The following IL1RAPL2 variants were observed in gnomAD, a reference collection of about 807,000 sequenced individuals.
IL1RAPL2 encodes interleukin 1 receptor accessory protein like 2.
A neutral mutation model predicts 44.1 loss-of-function variants in IL1RAPL2; 3 were observed. The ratio of observed to expected loss-of-function variants is 0.07; its 90% confidence interval spans 0.03 to 0.18. IL1RAPL2 has a LOEUF of 0.18. Ranked by LOEUF, IL1RAPL2 falls within the 10% of genes least tolerant of loss-of-function variation. The pLI, the probability that IL1RAPL2 is intolerant of heterozygous loss-of-function variation, is 1.00. For synonymous variants in IL1RAPL2, 181 were observed against 178.8 expected (o/e 1.01, Z -0.10); for missense variants, 391 against 496.4 (o/e 0.79, Z 2.02).
At chrX:105,035,038 A>G (rs1344216173) in intron 2 of IL1RAPL2, among the ~76,000 whole-genome samples, 2 of 111,340 alleles carry the variant, frequency 1.8e-5, no homozygotes, top group African/African-American at 6.5e-5. Context: ...GGACCCTCCA[A>G]GCCAGGTGCA....
chrX:105,119,733 T>G (rs2032902010), intron 2 of IL1RAPL2, among the ~76,000 whole-genome samples: 1 of 111,516 alleles, frequency 9.0e-6, no homozygotes, highest in Admixed American at 9.5e-5. Context: ...GGAAAAAGTG[T>G]TAACAAAAAA....
chrX:105,459,226 A>C (rs2036076682), intron 5 of IL1RAPL2, among the ~76,000 whole-genome samples: 1 of 110,812 alleles, frequency 9.0e-6, no homozygotes, highest in Admixed American at 9.7e-5. Context: ...ACTTTAGTTC[A>C]ACATAGAATA....
chrX:105,505,702 C>T (rs765268386), intron 6 of IL1RAPL2, among the ~76,000 whole-genome samples: 1 of 111,521 alleles, frequency 9.0e-6, no homozygotes, highest in Non-Finnish European at 1.9e-5. Flanking sequence ...TCATGCCAAA[C>T]ATCACAGGAG....
chrX:105,390,918 GA>G (rs2035517026), intron 5 of IL1RAPL2, among the ~76,000 whole-genome samples: 1 of 111,129 alleles, frequency 9.0e-6, no homozygotes, highest in Non-Finnish European at 1.9e-5. Flanking sequence ...AAATTAATAA[GA>G]AAATGGATGT....
chrX:104,568,880 T>C (rs1042920046), intron 1 of IL1RAPL2, among the ~76,000 whole-genome samples: 3 of 111,821 alleles, frequency 2.7e-5, no homozygotes, highest in African/African-American at 9.7e-5. Context: ...GTGAGGCTGC[T>C]GGACCCGATG....
chrX:105,767,317 G>A lies in IL1RAPL2; in HGVS notation c.1717G>A (p.Ala573Thr), dbSNP rs765978518. Residue 573 changes from alanine to threonine, a missense_variant, in exon 11 of 11, where the codon GCA (alanine) becomes ACA (threonine). By Grantham distance (58) the Ala-to-Thr change is moderately conservative (BLOSUM62 0). This residue lies in a region of IL1RAPL2 where 232 missense variants were observed against 244.8 expected (regional missense o/e 0.95). Coordinates refer to ENST00000372582, the MANE Select transcript of IL1RAPL2 (RefSeq NM_017416.2). ...ACCTCGGTGCCATGTTCTGGACTCC[G>A]CAGAACAAGGACTTTTTGGAGAACT... ...MLPRCHVLDS[A>T]EQGLFGELQP... The A allele has an allele frequency of 2.8e-5, 34 of 1,208,180 alleles. 1 individual carries two copies. In the South Asian group the frequency reaches 3.2e-4, roughly 11 times the overall value.
chrX:105,233,201 T>G (rs1421769148), intron 3 of IL1RAPL2, among the ~76,000 whole-genome samples: 2 of 110,987 alleles, frequency 1.8e-5, no homozygotes, highest in East Asian at 2.8e-4. Context: ...GGAGAATGGC[T>G]TGAACCCGGG....
chrX:104,872,860 T>C (rs375990830), intron 2 of IL1RAPL2, among the ~76,000 whole-genome samples: 2 of 111,268 alleles, frequency 1.8e-5, no homozygotes, highest in African/African-American at 6.5e-5. Context: ...CCATGGAAGA[T>C]GAACCCATAA....
At chrX:105,740,728 G>A in intron 8 of IL1RAPL2, 37 bp downstream of exon 8, 2 of 1,133,661 alleles carry the variant, frequency 1.8e-6, no homozygotes, top group Non-Finnish European at 2.4e-6. Context: ...GGTTTGCTTA[G>A]CTATCAACAA....
intron 3 of IL1RAPL2, among the ~76,000 whole-genome samples, chrX:105,214,044 A>G (rs1463822967): frequency 9.5e-6 from 1 of 105,718 alleles, no homozygotes; most frequent in African/African-American, 3.5e-5. Flanking sequence ...AAAGACCTCT[A>G]TGAATAAACT....
chrX:104,574,514 G>A (rs1928208865), intron 1 of IL1RAPL2, among the ~76,000 whole-genome samples: 1 of 112,074 alleles, frequency 8.9e-6, no homozygotes, highest in East Asian at 2.8e-4. Context: ...GTATAAAAAT[G>A]TAAAATACCT....
intron 2 of IL1RAPL2, among the ~76,000 whole-genome samples, chrX:105,133,358 G>A (rs1569389266): frequency 9.0e-6 from 1 of 111,164 alleles, no homozygotes; most frequent in Non-Finnish European, 1.9e-5. Flanking sequence ...CACATTATAA[G>A]CAGATAAATG....
Position 105,232,484 on chromosome X carries a change from G to A in IL1RAPL2, c.357-1334G>A, listed in dbSNP as rs546886788. 5.4e-4 allele frequency among the ~76,000 whole-genome samples: 60 copies of A among 111,867 alleles called. No homozygotes were observed. The Middle Eastern group carries it at 0.018, about 34-fold the overall frequency. ...CACGTATCCCTTGATGTTTAAAACA[G>A]ATATGGTCCTGAAATGTCTTCCATA... On this transcript the variant is annotated intron_variant, in intron 3 of 10. Transcript: ENST00000372582.
intron 6 of IL1RAPL2, among the ~76,000 whole-genome samples, chrX:105,595,346 A>G (rs1167663995): frequency 8.9e-6 from 1 of 111,774 alleles, no homozygotes; most frequent in East Asian, 2.8e-4. Flanking sequence ...ACAATATTAA[A>G]TAAGAATTTT....
At chrX:104,646,123 T>C in intron 1 of IL1RAPL2, among the ~76,000 whole-genome samples, 1 of 111,645 alleles carries the variant, frequency 9.0e-6, no homozygotes, top group Non-Finnish European at 1.9e-5. Flanking sequence ...GACACAAAAG[T>C]AGGTGGGAGA....
In IL1RAPL2 at chrX:105,639,587, C is replaced by G. The variant is rs146456917; in HGVS notation, c.773-77780C>G. On this transcript the variant is annotated intron_variant, in intron 6 of 10. Coordinates refer to ENST00000372582, the MANE Select transcript of IL1RAPL2 (RefSeq NM_017416.2). ...ATGGAGAGCCTAAAAAATGATGAAC[C>G]CTTGTAGAAAACTGGAATTAATTAC... Among the ~76,000 whole-genome samples the G allele has an allele frequency of 5.5e-3, 610 of 110,882 alleles. 4 individuals carry two copies. The highest frequency in any genetic ancestry group is 9.8e-3 in the Non-Finnish European group (520 of 52,830).
intron 6 of IL1RAPL2, among the ~76,000 whole-genome samples, chrX:105,560,580 G>A (rs917530831): frequency 4.5e-5 from 5 of 109,919 alleles, no homozygotes; most frequent in Non-Finnish European, 9.5e-5. Context: ...CACCACGCCC[G>A]GCTAACTTTT....
At chrX:104,941,964 C>T (rs1925189982) in intron 2 of IL1RAPL2, among the ~76,000 whole-genome samples, 1 of 111,693 alleles carries the variant, frequency 9.0e-6, no homozygotes, top group African/African-American at 3.3e-5. Flanking sequence ...GGAATCCTTT[C>T]CCCATTTCTT....
chrX:104,721,142 C>T (rs1931667196), intron 2 of IL1RAPL2, among the ~76,000 whole-genome samples: 2 of 111,378 alleles, frequency 1.8e-5, no homozygotes, highest in Non-Finnish European at 3.8e-5. Context: ...AGATCTAGAA[C>T]CAGGAATACT....
Sources: gnomAD v4.1 joint callset for allele counts (sites outside exome capture counted in the v4.1 genomes callset) on GRCh38, gnomAD v4.1.1 for gene constraint, gnomAD v4.1.1 regional missense constraint, MANE v1.5 for transcripts, NCBI Gene and HGNC (gene_info 2026-07-23, HGNC 2026-07-21) for gene names.